The following LRCH1 variants were observed in gnomAD, a reference collection of about 807,000 sequenced individuals.
LRCH1 encodes the protein leucine-rich repeat and calponin homology domain-containing protein 1.
In LRCH1, 23 loss-of-function variants were observed where a neutral mutation model predicts 94.9. The observed-to-expected ratio is 0.24, with a 90% CI of 0.17 to 0.34. LRCH1 has a LOEUF of 0.34. LRCH1 is among the 10% of genes least tolerant of loss of function. LRCH1 has a pLI of 1.00. For missense variants in LRCH1, 790 were observed against 945.9 expected (o/e 0.84, Z 2.16); for synonymous variants, 364 against 354.9 (o/e 1.03, Z -0.29).
At chr13:46,692,110 T>G (rs1408649668) in intron 7 of LRCH1, among the ~76,000 whole-genome samples, 1 of 152,116 alleles carries the variant, frequency 6.6e-6, no homozygotes, top group Non-Finnish European at 1.5e-5. Flanking sequence ...CCTCCAGCAT[T>G]GGGGATTACA....
At chr13:46,698,279 T>C (rs547226412) in intron 9 of LRCH1, among the ~76,000 whole-genome samples, 1 of 152,330 alleles carries the variant, frequency 6.6e-6, no homozygotes, top group East Asian at 1.9e-4. Context: ...TGGTGTTCTC[T>C]CCTAGCTAGG....
At chr13:46,701,312 C>T in intron 11 of LRCH1, 105 bp downstream of exon 11, 3 of 726,422 alleles carry the variant, frequency 4.1e-6, no homozygotes, top group Non-Finnish European at 2.3e-6. Flanking sequence ...GATTTTGGCC[C>T]AGTCCAGCTA....
rs1288570749 is a variant in LRCH1 at position 46,735,788 on chromosome 13, C to CTTTTTTTTTT, written c.2085+1794_2085+1795insTTTTTTTTTT. Reference sequence around the variant, plus strand: ...AGGTGATTTTCCTTTTTTTCTTTTTCTTTTCTTTTTTTTTTTTTTTTCGAG... The same window carrying CTTTTTTTTTT: ...AGGTGATTTTCCTTTTTTTCTTTTTCTTTTTTTTTTTTTTCTTTTTTTTTTTTTTTTCGAG... On this transcript the variant is annotated intron_variant, in intron 19 of 19. Coordinates refer to ENST00000389797, the MANE Select transcript of LRCH1 (RefSeq NM_001164211.2). Among the ~76,000 whole-genome samples the CTTTTTTTTTT allele has an allele frequency of 5.7e-5, 4 of 69,914 alleles. 1 individual carries two copies. Among genetic ancestry groups the CTTTTTTTTTT allele is most frequent in the African/African-American group, 4.7e-5 (1 of 21,126 alleles). The allele number at this position is 69,914 out of a possible 152,430, so 45.9% of individuals were successfully genotyped here.
intron 3 of LRCH1, among the ~76,000 whole-genome samples, chr13:46,678,123 A>G (rs2051701876): frequency 6.6e-6 from 1 of 152,190 alleles, no homozygotes; most frequent in South Asian, 2.1e-4. Context: ...ATTTTCCTAA[A>G]TCGTATCTTC....
intron 8 of LRCH1, 137 bp from the exon 9 acceptor site, chr13:46,694,756 A>T (rs567435389): frequency 3.6e-6 from 3 of 834,074 alleles, no homozygotes; most frequent in Non-Finnish European, 5.5e-6. Flanking sequence ...GGGAAGAGAA[A>T]ACTTGGGTTT....
At chr13:46,580,965 A>G (rs1283464354) in intron 1 of LRCH1, among the ~76,000 whole-genome samples, 1 of 152,218 alleles carries the variant, frequency 6.6e-6, no homozygotes, top group Non-Finnish European at 1.5e-5. Context: ...AGTGGTTGTC[A>G]TATTTTAATA....
In LRCH1 at chr13:46,621,146, G is replaced by A. The variant is rs139304010; in HGVS notation, c.308-29055G>A. ...ATCTTTCTCTTACTCTCTAACATGC[G>A]TTCCGCTAGTGTCATGTAAATACAG... On this transcript the variant is annotated intron_variant, in intron 1 of 19. Coordinates refer to ENST00000389797, the MANE Select transcript of LRCH1 (RefSeq NM_001164211.2). Among the ~76,000 whole-genome samples, 17 of 152,308 alleles carry A rather than the reference G, an allele frequency of 1.1e-4. No individual in the cohort carries two copies. The East Asian group carries it at 2.5e-3, about 22-fold the overall frequency.
intron 1 of LRCH1, among the ~76,000 whole-genome samples, chr13:46,633,006 G>A (rs2051037373): frequency 6.6e-6 from 1 of 152,168 alleles, no homozygotes; most frequent in Non-Finnish European, 1.5e-5. Context: ...TAAAAAGACT[G>A]CAGAAATCCT....
At chr13:46,691,760 G>A (rs1870908895) in intron 7 of LRCH1, among the ~76,000 whole-genome samples, 3 of 152,180 alleles carry the variant, frequency 2.0e-5, no homozygotes, top group Admixed American at 1.3e-4. Context: ...CGCGATCTTG[G>A]CTCACTGCAA....
rs561441195 is a variant in LRCH1 at position 46,739,244 on chromosome 13, T to A, written c.2086-2398T>A. 2.8e-3 allele frequency among the ~76,000 whole-genome samples: 432 copies of A among 152,326 alleles called. 3 individuals carry two copies. The highest frequency in any genetic ancestry group is 0.01 in the African/African-American group (421 of 41,572). ...TCCAGTAGTAATCTCGGTCACACACTCTGGTTGTGTGCAACCTAAGTGAAT... is the reference window on the plus strand; with the variant it reads ...TCCAGTAGTAATCTCGGTCACACACACTGGTTGTGTGCAACCTAAGTGAAT... On this transcript the variant is annotated intron_variant, in intron 19 of 19. Coordinates refer to ENST00000389797, the MANE Select transcript of LRCH1 (RefSeq NM_001164211.2).
Position 46,553,210 on chromosome 13 carries a change from G to A in LRCH1, c.-187G>A. ...CCGGGGACAGGAAACCTTCAAGACC[G>A]AGCTGCCACGGCCGCCTCCCCGCCC... On this transcript the variant is annotated 5_prime_UTR_variant, in exon 1 of 20. Coordinates refer to ENST00000389797, the MANE Select transcript of LRCH1 (RefSeq NM_001164211.2). The A allele has an allele frequency of 1.8e-6, 1 of 570,290 alleles. No individual in the cohort carries two copies. 35.3% of individuals were successfully genotyped at this position (570,290 alleles called of 1,614,324 possible). A position where few individuals can be genotyped will look rare whatever the true frequency, so the allele number is the denominator to read the frequency against.
intron 1 of LRCH1, among the ~76,000 whole-genome samples, chr13:46,573,845 AATATAT>A (rs1555269134): frequency 1.3e-5 from 1 of 78,030 alleles, no homozygotes; most frequent in Non-Finnish European, 2.5e-5. Flanking sequence ...ACTATAGTCA[AATATAT>A]ATATATATAT....
intron 1 of LRCH1, among the ~76,000 whole-genome samples, chr13:46,567,575 T>G (rs2050198588): frequency 6.6e-6 from 1 of 151,376 alleles, no homozygotes; most frequent in Admixed American, 6.6e-5. Context: ...TAATTTTAGT[T>G]GTAGCAGTCA....
At chr13:46,722,925 G>A (rs192460840) in intron 16 of LRCH1, among the ~76,000 whole-genome samples, 12 of 152,344 alleles carry the variant, frequency 7.9e-5, no homozygotes, top group Admixed American at 6.5e-4. Flanking sequence ...GAGTGAAGTA[G>A]GACATCTGTC....
intron 1 of LRCH1, among the ~76,000 whole-genome samples, chr13:46,643,597 C>T (rs964352170): frequency 6.6e-6 from 1 of 152,304 alleles, no homozygotes; most frequent in East Asian, 1.9e-4. Flanking sequence ...ACACTCACTT[C>T]CCCTTCCCTT....
intron 16 of LRCH1, among the ~76,000 whole-genome samples, chr13:46,716,847 GGAAGTT>G (rs1466195053): frequency 6.6e-6 from 1 of 151,584 alleles, no homozygotes; most frequent in Non-Finnish European, 1.5e-5. Flanking sequence ...TGTAAATTTT[GGAAGTT>G]GAAGAGGGCT....
At chr13:46,578,110 C>T (rs1180334187) in intron 1 of LRCH1, among the ~76,000 whole-genome samples, 1 of 152,240 alleles carries the variant, frequency 6.6e-6, no homozygotes, top group East Asian at 1.9e-4. Flanking sequence ...TGCCCCACCT[C>T]TTCCAACAGT....
At chr13:46,573,899 A>G (rs867028670) in intron 1 of LRCH1, among the ~76,000 whole-genome samples, 214 of 87,274 alleles carry the variant, frequency 2.5e-3, no homozygotes, top group African/African-American at 6.7e-3. Context: ...GTCTTACTCT[A>G]TTCCCCAGAC....
intron 18 of LRCH1, chr13:46,750,491 T>A: frequency 1.5e-6 from 2 of 1,292,758 alleles, no homozygotes; most frequent in African/African-American, 1.5e-5. Context: ...GATTTTACAA[T>A]GAGAGTACAA....
Sources: allele counts gnomAD v4.1 joint callset (sites outside exome capture counted in the v4.1 genomes callset), GRCh38; gene constraint gnomAD v4.1.1; transcripts MANE v1.5; gene names NCBI Gene and HGNC (gene_info 2026-07-23, HGNC 2026-07-21).